SORCS1: variants seen among roughly 807,000 people sequenced by gnomAD.
The protein encoded by SORCS1 is VPS10 domain-containing receptor SorCS1.
Under a neutral mutation model 146.1 loss-of-function variants are expected in SORCS1, and 60 were observed. The ratio of observed to expected loss-of-function variants is 0.41; its 90% CI spans 0.33 to 0.51. The LOEUF (loss-of-function observed/expected upper bound fraction) is 0.51. SORCS1 is among the 20% of genes least tolerant of loss of function. The pLI is 0.21. For synonymous variants in SORCS1, 637 were observed against 584.0 expected (o/e 1.09, Z -1.31); for missense variants, 1,352 against 1,487.6 (o/e 0.91, Z 1.50).
chr10:107,128,582 C>T (rs1234722348), intron 1 of SORCS1, among the ~76,000 whole-genome samples: 2 of 152,178 alleles, frequency 1.3e-5, no homozygotes, highest in Non-Finnish European at 2.9e-5. Flanking sequence ...ATGAAACAAA[C>T]CCATGGAATG....
rs550890225 is a variant in SORCS1 at position 106,727,591 on chromosome 10, C to T, written c.1024+2459G>A. 3.2e-3 allele frequency among the ~76,000 whole-genome samples: 486 copies of T among 152,026 alleles called. 13 individuals carry two copies. The highest frequency in any genetic ancestry group is 7.5e-4 in the Non-Finnish European group (51 of 67,992). On this transcript the variant is annotated intron_variant, in intron 6 of 25. Transcript: ENST00000263054. ...AAACTTACAGACTGGTGGCGAGAAACGGTTGTGATCGAATAAACACGTAAA... is the reference window on the plus strand; with the variant it reads ...AAACTTACAGACTGGTGGCGAGAAATGGTTGTGATCGAATAAACACGTAAA...
intron 1 of SORCS1, among the ~76,000 whole-genome samples, chr10:107,146,260 G>T (rs1437040281): frequency 6.6e-6 from 1 of 152,160 alleles, no homozygotes; most frequent in Non-Finnish European, 1.5e-5. Flanking sequence ...CTAAGCGTTT[G>T]TCTCTTTAGA....
intron 3 of SORCS1, among the ~76,000 whole-genome samples, chr10:106,796,052 A>G (rs1403738536): frequency 1.3e-5 from 2 of 152,216 alleles, no homozygotes; most frequent in Non-Finnish European, 2.9e-5. Flanking sequence ...TTATATACCT[A>G]TAAATTGATA....
rs569852203 is a variant in SORCS1 at position 106,786,619 on chromosome 10, T to C, written c.727-9927A>G. 2.3e-3 allele frequency among the ~76,000 whole-genome samples: 342 copies of C among 151,876 alleles called. 3 individuals are homozygous for C. Among genetic ancestry groups the C allele is most frequent in the Admixed American group, 5.0e-3 (76 of 15,224 alleles). On this transcript the variant is annotated intron_variant, in intron 3 of 25. Coordinates refer to ENST00000263054, the MANE Select transcript of SORCS1 (RefSeq NM_052918.5). Reference sequence around the variant, plus strand: ...TCAAAGAATTCTGGGCCAGACTTAATGGGAGGAAAAAAATAGACTTCACCT... The same window carrying C: ...TCAAAGAATTCTGGGCCAGACTTAACGGGAGGAAAAAAATAGACTTCACCT...
chr10:107,168,418 C>T (rs183676955), upstream of SORCS1, among the ~76,000 whole-genome samples: 15 of 152,216 alleles, frequency 9.9e-5, no homozygotes, highest in East Asian at 7.7e-4. Context: ...TAATAACTTC[C>T]AAAAAATCCA....
At chr10:106,810,697 C>T (rs1204189209) in intron 3 of SORCS1, among the ~76,000 whole-genome samples, 1 of 152,192 alleles carries the variant, frequency 6.6e-6, no homozygotes, top group East Asian at 1.9e-4. Flanking sequence ...GAATTCCAGT[C>T]CCTACTTCAA....
At chr10:106,957,965 T>C (rs764936) in intron 1 of SORCS1, among the ~76,000 whole-genome samples, 26,170 of 152,068 alleles carry the variant, frequency 0.17, 3,186 homozygotes, top group East Asian at 0.38. Flanking sequence ...ACAGAAGCGC[T>C]CATGAAAGAA....
chr10:106,983,251 CAT>C (rs1956317154), intron 1 of SORCS1, among the ~76,000 whole-genome samples: 1 of 146,580 alleles, frequency 6.8e-6, no homozygotes, highest in Non-Finnish European at 1.5e-5. Context: ...TATACATATA[CAT>C]ATTTCTATAT....
intron 1 of SORCS1, among the ~76,000 whole-genome samples, chr10:107,031,452 T>C (rs1958652818): frequency 2.0e-5 from 3 of 151,562 alleles, no homozygotes; most frequent in Non-Finnish European, 4.4e-5. Flanking sequence ...AGGCACAGAG[T>C]AACATCACTT....
At chr10:107,174,895 A>G in the SORCS1 span, among the ~76,000 whole-genome samples, 1 of 152,178 alleles carries the variant, frequency 6.6e-6, no homozygotes, top group Non-Finnish European at 1.5e-5. Flanking sequence ...ACTGTGAAGT[A>G]TGCTGTTTAC....
In SORCS1 at chr10:106,577,017, A is replaced by C. The variant is rs1367008158; in HGVS notation, c.*403T>G. On this transcript the variant is annotated 3_prime_UTR_variant, in exon 26 of 26. Transcript: ENST00000263054. Reference sequence around the variant, plus strand: ...AGGGGAGTGTTTTCCATTAAAATAGAGCACCTGTACACTGCCCCTCCAGAC... The same window carrying C: ...AGGGGAGTGTTTTCCATTAAAATAGCGCACCTGTACACTGCCCCTCCAGAC... 1.4e-5 allele frequency: 4 copies of C among 295,348 alleles called. No homozygotes were observed. In the Admixed American group the frequency reaches 1.9e-4, roughly 14 times the overall value. 18.3% of individuals were successfully genotyped at this position (295,348 alleles called of 1,614,324 possible).
At chr10:106,663,684 T>C (rs1395747389) in intron 17 of SORCS1, among the ~76,000 whole-genome samples, 1 of 152,158 alleles carries the variant, frequency 6.6e-6, no homozygotes, top group Non-Finnish European at 1.5e-5. Context: ...TCACCAACAT[T>C]TTACCTCTTG....
At chr10:106,995,788 A>T (rs951121972) in intron 1 of SORCS1, among the ~76,000 whole-genome samples, 28 of 150,852 alleles carry the variant, frequency 1.9e-4, no homozygotes, top group African/African-American at 5.9e-4. Context: ...GTGATAATTT[A>T]AAAAAAAACA....
intron 1 of SORCS1, among the ~76,000 whole-genome samples, chr10:107,024,367 C>A (rs906747489): frequency 2.6e-5 from 4 of 151,848 alleles, no homozygotes; most frequent in Non-Finnish European, 5.9e-5. Flanking sequence ...AGAGAGTTAC[C>A]AGGCTCTTTT....
chr10:107,131,680 T>C (rs918340235), intron 1 of SORCS1, among the ~76,000 whole-genome samples: 3 of 152,206 alleles, frequency 2.0e-5, no homozygotes, highest in African/African-American at 7.2e-5. Context: ...GATCACATCA[T>C]GGCACTCCAG....
chr10:106,796,948 A>G (rs1946594089), intron 3 of SORCS1, among the ~76,000 whole-genome samples: 1 of 152,164 alleles, frequency 6.6e-6, no homozygotes, highest in Admixed American at 6.5e-5. Context: ...CTCTACTAAA[A>G]ACACAAAAGT....
intron 4 of SORCS1, among the ~76,000 whole-genome samples, chr10:106,772,237 T>C (rs1054259420): frequency 4.6e-5 from 7 of 152,146 alleles, no homozygotes; most frequent in Non-Finnish European, 1.0e-4. Flanking sequence ...GATATCCATC[T>C]GTCTCCCCTG....
chr10:106,579,913 T>C (rs1844803036), intron 24 of SORCS1, among the ~76,000 whole-genome samples: 1 of 152,100 alleles, frequency 6.6e-6, no homozygotes. Flanking sequence ...ATTTCATTTC[T>C]ACTGCTGCTA....
Position 107,109,429 on chromosome 10 carries a change from T to C in SORCS1, c.558+54540A>G, listed in dbSNP as rs573857352. 3.9e-5 allele frequency among the ~76,000 whole-genome samples: 6 copies of C among 152,320 alleles called. No homozygotes were observed. In the South Asian group the frequency reaches 1.2e-3, roughly 32 times the overall value. Reference sequence around the variant, plus strand: ...CATGGAAGCCACCAAGGCGTATGACTTGCACCCTTTGAAGCAGTAGCCTGA... The same window carrying C: ...CATGGAAGCCACCAAGGCGTATGACCTGCACCCTTTGAAGCAGTAGCCTGA... On this transcript the variant is annotated intron_variant, in intron 1 of 25. Transcript: ENST00000263054.
Sources: allele counts gnomAD v4.1 joint callset (sites outside exome capture counted in the v4.1 genomes callset), GRCh38; gene constraint gnomAD v4.1.1; transcripts MANE v1.5; gene names NCBI Gene and HGNC (gene_info 2026-07-23, HGNC 2026-07-21).